Variants in KMT5C observed in about 807,000 individuals in gnomAD.
The protein encoded by KMT5C is lysine methyltransferase 5C.
KMT5C carries 16 observed loss-of-function variants against 38.2 expected under a neutral mutation model. The observed-to-expected ratio is 0.42, with a 90% CI of 0.28 to 0.64. KMT5C has a LOEUF of 0.64. Ranked by LOEUF, KMT5C falls within the 30% of genes least tolerant of loss-of-function variation. The pLI is 0.23. For missense variants in KMT5C, 598 were observed against 665.1 expected, an observed-to-expected ratio of 0.90 and a Z score of 1.11; for synonymous variants, 291 against 279.0, an observed-to-expected ratio of 1.04 and a Z score of -0.43.
Position 55,340,285 on chromosome 19 carries a change from CCTCTCCCTGCACCCCCAGGT to C in KMT5C, c.-144+343_-144+362del, listed in dbSNP as rs939993305. 1.4e-4 allele frequency among the ~76,000 whole-genome samples: 21 copies of C among 151,218 alleles called. No individual in the cohort carries two copies. The South Asian group carries it at 2.7e-3, about 20-fold the overall frequency. On this transcript the variant is annotated intron_variant, in intron 1 of 8. Coordinates refer to ENST00000255613, the MANE Select transcript of KMT5C (RefSeq NM_032701.4). Reference sequence around the variant, plus strand: ...CCTTTCCCTGACCTCACCCTCCAGGCCTCTCCCTGCACCCCCAGGTCTCTCCCTGCACCCTCAGGGCCTCT... The same window carrying C: ...CCTTTCCCTGACCTCACCCTCCAGGCCTCTCCCTGCACCCTCAGGGCCTCT...
chr19:55,343,362 G>A lies in KMT5C; in HGVS notation c.387-318G>A, dbSNP rs901625272. 2.4e-6 allele frequency: 1 copy of A among 418,214 alleles called. No individual in the cohort carries two copies. The highest frequency in any genetic ancestry group is 3.6e-5 in the Admixed American group (1 of 27,480). The allele number at this position is 418,214 out of a possible 1,614,324, so 25.9% of individuals were successfully genotyped here. A position where few individuals can be genotyped will look rare whatever the true frequency, so the allele number is the denominator to read the frequency against. ...CCTGAGGGTCTGGTGGGGCGAGTAG[G>A]GGGTAGTCCAGGCAGGAGGGATTTG... On this transcript the variant is annotated intron_variant, in intron 4 of 8. Transcript: ENST00000255613. The surrounding 1 kb of genome is among the most constrained non-coding windows in gnomAD (Gnocchi z 5.5).
In KMT5C at chr19:55,344,015, G is replaced by A. The variant is rs762847686; in HGVS notation, c.570+18G>A. ...ACTGCAAGGTAAGGCCTTGGGACTC[G>A]GGAGGAGAGGGCACGCAGGAAGAAA... On this transcript the variant is annotated intron_variant, in intron 6 of 8. Coordinates refer to ENST00000255613, the MANE Select transcript of KMT5C (RefSeq NM_032701.4). 15 of 1,609,070 alleles carry A rather than the reference G, an allele frequency of 9.3e-6. No homozygotes were observed. The highest frequency in any genetic ancestry group is 2.2e-5 in the East Asian group (1 of 44,726).
At chr19:55,340,708 G>A (rs952463986) in intron 1 of KMT5C, among the ~76,000 whole-genome samples, 1 of 150,172 alleles carries the variant, frequency 6.7e-6, no homozygotes, top group Admixed American at 6.6e-5. Flanking sequence ...ACCGCCCCCC[G>A]ACCCAGGTCT....
chr19:55,346,412 C>A (rs2089617637), intron 7 of KMT5C, 63 bp downstream of exon 7: 1 of 1,610,534 alleles, frequency 6.2e-7, no homozygotes, highest in Non-Finnish European at 8.5e-7. Context: ...CAGAAACGCA[C>A]CCTCGGGACC....
chr19:55,345,754 C>T (rs1000074924), intron 6 of KMT5C, among the ~76,000 whole-genome samples: 3 of 152,266 alleles, frequency 2.0e-5, no homozygotes, highest in African/African-American at 4.8e-5. Flanking sequence ...AGAGCACACA[C>T]AGATTGGGCT....
Position 55,347,638 on chromosome 19 carries a change from C to T in KMT5C, c.*189C>T. 1 of 918,238 alleles carries T rather than the reference C, an allele frequency of 1.1e-6. No individual in the cohort carries two copies. The highest frequency in any genetic ancestry group is 3.7e-5 in the Admixed American group (1 of 27,248). The allele number at this position is 918,238 out of a possible 1,614,324, so 56.9% of individuals were successfully genotyped here. A position where few individuals can be genotyped will look rare whatever the true frequency, so the allele number is the denominator to read the frequency against. ...GCCCTGACCCTTTGTGACTGCTGACCCCTGAGCCACCCCCACTCCCACAGG... is the reference window on the plus strand; with the variant it reads ...GCCCTGACCCTTTGTGACTGCTGACTCCTGAGCCACCCCCACTCCCACAGG... On this transcript the variant is annotated 3_prime_UTR_variant, in exon 9 of 9. Coordinates refer to ENST00000255613, the MANE Select transcript of KMT5C (RefSeq NM_032701.4). The surrounding 1 kb of genome is among the most constrained non-coding windows in gnomAD (Gnocchi z 4.6).
Position 55,347,781 on chromosome 19 carries a change from C to T in KMT5C, c.*332C>T. On this transcript the variant is annotated 3_prime_UTR_variant, in exon 9 of 9. Coordinates refer to ENST00000255613, the MANE Select transcript of KMT5C (RefSeq NM_032701.4). This position sits in a 1 kb window ranked among gnomAD's most constrained non-coding sequence, Gnocchi z 4.6. The stretch of plus-strand genomic sequence containing the variant: ...GCAAAGCCATAAGGGGCAGGGGCCA[C>T]CCCACGGCATCTCCCCAGAAGTACA... 3.0e-6 allele frequency: 1 copy of T among 334,540 alleles called. No individual in the cohort carries two copies. The highest frequency in any genetic ancestry group is 5.4e-6 in the Non-Finnish European group (1 of 184,632). 20.7% of individuals were successfully genotyped at this position (334,540 alleles called of 1,614,324 possible).
chr19:55,343,664 C>G lies in KMT5C; in HGVS notation c.387-16C>G, dbSNP rs1251027343. On this transcript the variant is annotated splice_polypyrimidine_tract_variant and intron_variant, in intron 4 of 8. Coordinates refer to ENST00000255613, the MANE Select transcript of KMT5C (RefSeq NM_032701.4). The surrounding 1 kb of genome is among the most constrained non-coding windows in gnomAD (Gnocchi z 5.5). ...CCAGGCATCGCCCACAGCCCTGCCC[C>G]CTGGCCTCTTGGCAGGAAAAAGAAT... is the stretch of plus-strand genomic sequence containing the variant. 3.2e-6 allele frequency: 5 copies of G among 1,551,004 alleles called. No homozygotes were observed. The Admixed American group carries it at 9.8e-5, about 30-fold the overall frequency.
Position 55,341,828 on chromosome 19 carries a change from C to A in KMT5C, c.-109C>A. 1 of 811,448 alleles carries A rather than the reference C, an allele frequency of 1.2e-6. No individual in the cohort carries two copies. The highest frequency in any genetic ancestry group is 2.1e-6 in the Non-Finnish European group (1 of 475,788). The allele number at this position is 811,448 out of a possible 1,614,324, so 50.3% of individuals were successfully genotyped here. On this transcript the variant is annotated 5_prime_UTR_variant, in exon 2 of 9. Coordinates refer to ENST00000255613, the MANE Select transcript of KMT5C (RefSeq NM_032701.4). The stretch of plus-strand genomic sequence containing the variant: ...TGGGGCTCACCAGCGTCCCCCATGG[C>A]TTCTGAGTAGCGTGGGAGTGGAGTC...
chr19:55,346,458 C>A (rs749911750), intron 7 of KMT5C, 42 bp from the exon 8 acceptor site: 16 of 1,596,856 alleles, frequency 1.0e-5, no homozygotes, highest in Non-Finnish European at 1.3e-5. Flanking sequence ...CCTCTCATCT[C>A]CCTTCCACCC....
intron 1 of KMT5C, among the ~76,000 whole-genome samples, 195 bp downstream of exon 1, chr19:55,340,152 C>G (rs1569018216): frequency 6.6e-6 from 1 of 151,928 alleles, no homozygotes; most frequent in Non-Finnish European, 1.5e-5. Context: ...CCTGTGCTTC[C>G]TCACCCGGGC....
At chr19:55,341,613 G>T in intron 1 of KMT5C, 181 bp from the exon 2 acceptor site, 1 of 397,698 alleles carries the variant, frequency 2.5e-6, no homozygotes, top group Non-Finnish European at 4.7e-6. Context: ...AGTGTGCATG[G>T]GTGTGCATGT....
In KMT5C at chr19:55,346,990, C is replaced by G; in HGVS notation, c.930C>G (p.Ser310Arg). The change falls in exon 9 of 9, where the codon AGC becomes AGG. Residue 310 changes from serine (S) to arginine (R), a missense_variant. Ser to Arg is a moderately radical substitution (Grantham distance 110). Around this residue, in one of 3 missense-constraint regions of KMT5C, gnomAD observed 326 missense variants for 298.1 expected, o/e 1.09. Coordinates refer to ENST00000255613, the MANE Select transcript of KMT5C (RefSeq NM_032701.4). ...ACQPLRLPAC[S>R]ARPDTSPLWL... ...AGCCCCTGCGCCTGCCAGCCTGCAG[C>G]GCCCGCCCAGACACCTCACCCCTCT... 1 of 1,204,896 alleles carries G rather than the reference C, an allele frequency of 8.3e-7. No homozygotes were observed. Among genetic ancestry groups the G allele is most frequent in the East Asian group, 2.3e-5 (1 of 42,972 alleles). 74.6% of individuals were successfully genotyped at this position (1,204,896 alleles called of 1,614,324 possible).
Position 55,347,172 on chromosome 19 carries a change from A to C in KMT5C, c.1112A>C (p.Glu371Ala). ...GCGPHCRLRG[E>A]ALVALGQPPH... Reference sequence around the variant, plus strand: ...GGCCCCCACTGCCGCCTGCGAGGAGAGGCCCTGGTGGCCCTGGGCCAGCCC... The same window carrying C: ...GGCCCCCACTGCCGCCTGCGAGGAGCGGCCCTGGTGGCCCTGGGCCAGCCC... Residue 371 changes from glutamate to alanine, a missense_variant, in exon 9 of 9, where the codon GAG (glutamate) becomes GCG (alanine). Glu to Ala is a moderately radical substitution (Grantham distance 107). Coordinates refer to ENST00000255613, the MANE Select transcript of KMT5C (RefSeq NM_032701.4). The surrounding 1 kb of genome is among the most constrained non-coding windows in gnomAD (Gnocchi z 4.6). The C allele has an allele frequency of 6.5e-7, 1 of 1,536,636 alleles. No homozygotes were observed. The highest frequency in any genetic ancestry group is 8.7e-7 in the Non-Finnish European group (1 of 1,146,750).
chr19:55,344,023 A>T lies in KMT5C; in HGVS notation c.570+26A>T, dbSNP rs757102145. ...GTAAGGCCTTGGGACTCGGGAGGAG[A>T]GGGCACGCAGGAAGAAAGGGTGCCT... On this transcript the variant is annotated intron_variant, in intron 6 of 8. Coordinates refer to ENST00000255613, the MANE Select transcript of KMT5C (RefSeq NM_032701.4). The T allele has an allele frequency of 1.4e-5, 23 of 1,606,050 alleles. No individual in the cohort carries two copies. In the East Asian group the frequency reaches 4.9e-4, roughly 34 times the overall value.
At chr19:55,346,734 C>T (rs1019601908) in intron 8 of KMT5C, 47 bp downstream of exon 8, 2 of 1,424,966 alleles carry the variant, frequency 1.4e-6, no homozygotes, top group Admixed American at 2.3e-5. Context: ...CCTGTCTGCT[C>T]CTGGTCATCT....
At chr19:55,344,406 T>G (rs2089594326) in intron 6 of KMT5C, 1 of 312,450 alleles carries the variant, frequency 3.2e-6, no homozygotes. Context: ...CATGTCTCCA[T>G]GGCTTCCCAC....
Position 55,343,112 on chromosome 19 carries a change from TCCTTACCTCCTTGTGA to T in KMT5C, c.386+265_386+280del. 1 of 440,752 alleles carries T rather than the reference TCCTTACCTCCTTGTGA, an allele frequency of 2.3e-6. No individual in the cohort carries two copies. Among genetic ancestry groups the T allele is most frequent in the Non-Finnish European group, 4.2e-6 (1 of 238,782 alleles). 27.3% of individuals were successfully genotyped at this position (440,752 alleles called of 1,614,324 possible). The stretch of plus-strand genomic sequence containing the variant: ...TAGGCTTCTGGTCAGGGCCGTGCTG[TCCTTACCTCCTTGTGA>T]CCTGAGCCCCCACCACATGTTAAAC... On this transcript the variant is annotated intron_variant, in intron 4 of 8. Transcript: ENST00000255613. The surrounding 1 kb of genome is among the most constrained non-coding windows in gnomAD (Gnocchi z 5.5).
intron 6 of KMT5C, chr19:55,344,832 C>T (rs199587943): frequency 3.0e-5 from 15 of 499,024 alleles, no homozygotes; most frequent in South Asian, 1.1e-4. Flanking sequence ...GCACAGACCT[C>T]GATGGGGCAC....
Sources: allele counts gnomAD v4.1 joint callset (sites outside exome capture counted in the v4.1 genomes callset), GRCh38; gene constraint gnomAD v4.1.1; regional missense constraint gnomAD v4.1.1; non-coding constraint Gnocchi (gnomAD v3.1); transcripts MANE v1.5; gene names NCBI Gene and HGNC (gene_info 2026-07-23, HGNC 2026-07-21).